The following CNGB1 variants were observed in gnomAD, a reference collection of about 807,000 sequenced individuals.
CNGB1 encodes cyclic nucleotide-gated channel beta-1.
Under a neutral mutation model 151.7 loss-of-function variants are expected in CNGB1, and 126 were observed. The observed-to-expected ratio is 0.83, with a 90% confidence interval of 0.72 to 0.96. CNGB1 has a LOEUF of 0.96. CNGB1 is among the 40% of genes least tolerant of loss of function. CNGB1 has a pLI of 0.00. For missense variants in CNGB1, 1,698 were observed against 1,627.0 expected (o/e 1.04, Z -0.75); for synonymous variants, 623 against 635.1 (o/e 0.98, Z 0.29).
chr16:57,934,984 T>G, intron 16 of CNGB1, among the ~76,000 whole-genome samples: 1 of 147,306 alleles, frequency 6.8e-6, no homozygotes. Flanking sequence ...CAGCAGTGGT[T>G]GCAGTGAGCC....
At chr16:57,893,703 A>C (rs1960154266) in intron 31 of CNGB1, among the ~76,000 whole-genome samples, 1 of 152,128 alleles carries the variant, frequency 6.6e-6, no homozygotes, top group Non-Finnish European at 1.5e-5. Flanking sequence ...GGGGTGGCTG[A>C]GGCAGGAGAA....
At chr16:57,937,161 T>A (rs1961534163) in intron 16 of CNGB1, 1 of 152,328 alleles carries the variant, frequency 6.6e-6, no homozygotes, top group Admixed American at 6.6e-5. Flanking sequence ...CTCCGGGAGG[T>A]GAGGACAGGG....
chr16:57,925,191 T>C (rs28720913), intron 17 of CNGB1, among the ~76,000 whole-genome samples: 27,984 of 151,322 alleles, frequency 0.18, 5,484 homozygotes, highest in African/African-American at 0.5. Flanking sequence ...TTAGTAGAGA[T>C]GGAGTTTCAC....
chr16:57,970,134 C>A (rs188742215), intron 1 of CNGB1, among the ~76,000 whole-genome samples: 244 of 152,342 alleles, frequency 1.6e-3, no homozygotes, highest in African/African-American at 5.6e-3. Flanking sequence ...AGTGTCAGAT[C>A]CCTGGCTCAG....
rs1024097250 is a variant in CNGB1, at chr16:57,883,906, G to A, written c.*258C>T. Reference sequence around the variant, plus strand: ...AAAGAGGAACAGTCAGGAAAAGGTAGGGCTCTCAAATGATAGTGAGAGCTC... The same window carrying A: ...AAAGAGGAACAGTCAGGAAAAGGTAAGGCTCTCAAATGATAGTGAGAGCTC... On this transcript the variant is annotated 3_prime_UTR_variant, in exon 33 of 33. Coordinates refer to ENST00000251102, the MANE Select transcript of CNGB1 (RefSeq NM_001297.5). 1.7e-6 allele frequency: 1 copy of A among 589,022 alleles called. No homozygotes were observed. Among genetic ancestry groups the A allele is most frequent in the African/African-American group, 1.9e-5 (1 of 53,524 alleles). 36.5% of individuals were successfully genotyped at this position (589,022 alleles called of 1,614,324 possible).
intron 21 of CNGB1, among the ~76,000 whole-genome samples, chr16:57,916,707 C>T (rs547875304): frequency 2.6e-4 from 40 of 152,266 alleles, no homozygotes; most frequent in African/African-American, 9.4e-4. Flanking sequence ...GTCAGGGCCT[C>T]AGTTTCCTCC....
intron 10 of CNGB1, among the ~76,000 whole-genome samples, chr16:57,959,545 T>C (rs1356081372): frequency 6.6e-6 from 1 of 152,096 alleles, no homozygotes; most frequent in African/African-American, 2.4e-5. Context: ...GAGGTTGCAG[T>C]GAGCAGAGAT....
chr16:57,935,291 GT>G (rs1454499091), intron 16 of CNGB1, among the ~76,000 whole-genome samples: 1 of 152,092 alleles, frequency 6.6e-6, no homozygotes, highest in Non-Finnish European at 1.5e-5. Flanking sequence ...AGCAATGCTG[GT>G]TTTCCATTTG....
chr16:57,901,479 G>C, intron 28 of CNGB1, 44 bp from the exon 29 acceptor site: 1 of 1,613,446 alleles, frequency 6.2e-7, no homozygotes, highest in South Asian at 1.1e-5. Context: ...GAGAAGATTG[G>C]GCTTGGAGCC....
At chr16:57,948,174 A>C (rs13338118) in intron 14 of CNGB1, among the ~76,000 whole-genome samples, 69,395 of 151,760 alleles carry the variant, frequency 0.46, 18,531 homozygotes, top group African/African-American at 0.76. Flanking sequence ...GTTCTCCCTG[A>C]CTCAATCTTT....
chr16:57,945,760 T>C (rs1042657824), intron 14 of CNGB1, among the ~76,000 whole-genome samples: 2 of 152,316 alleles, frequency 1.3e-5, no homozygotes, highest in Admixed American at 1.3e-4. Context: ...GAGAGAATAA[T>C]AGAATCTGCC....
intron 17 of CNGB1, among the ~76,000 whole-genome samples, chr16:57,925,565 C>G (rs983511490): frequency 6.6e-6 from 1 of 152,226 alleles, no homozygotes; most frequent in African/African-American, 2.4e-5. Flanking sequence ...GGGCTCTCCT[C>G]AGCCTTGGTG....
intron 12 of CNGB1, among the ~76,000 whole-genome samples, chr16:57,952,066 A>G (rs1341357414): frequency 6.6e-6 from 1 of 152,244 alleles, no homozygotes; most frequent in Non-Finnish European, 1.5e-5. Flanking sequence ...CTGTCCAGCA[A>G]TAGTGCCATG....
At chr16:57,925,860 G>A (rs1218667103) in intron 17 of CNGB1, among the ~76,000 whole-genome samples, 6 of 152,010 alleles carry the variant, frequency 3.9e-5, no homozygotes, top group Admixed American at 6.6e-5. Context: ...GCTAATTTTC[G>A]TATTTTTAGT....
chr16:57,919,594 C>G (rs1279726075), intron 19 of CNGB1, among the ~76,000 whole-genome samples: 1 of 152,142 alleles, frequency 6.6e-6, no homozygotes, highest in African/African-American at 2.4e-5. Flanking sequence ...CCTTTGTTCC[C>G]TCTGATGGGA....
chr16:57,933,462 C>G (rs575768010), intron 16 of CNGB1, among the ~76,000 whole-genome samples: 1 of 152,162 alleles, frequency 6.6e-6, no homozygotes, highest in African/African-American at 2.4e-5. Flanking sequence ...GGAGCCTGGA[C>G]GTGGCCCTAC....
intron 14 of CNGB1, among the ~76,000 whole-genome samples, chr16:57,943,949 G>A (rs764281120): frequency 6.6e-6 from 1 of 151,530 alleles, no homozygotes. Flanking sequence ...GTGCAATGAC[G>A]CGATCTCAGC....
At chr16:57,885,576 CTCTTTCTTTCTTTCTT>C (rs60188757) in intron 32 of CNGB1, among the ~76,000 whole-genome samples, 1,955 of 123,220 alleles carry the variant, frequency 0.016, 34 homozygotes, top group African/African-American at 0.025. Context: ...CTCTCTCTCT[CTCTTTCTTTCTTTCTT>C]TCTTTCTTTC....
chr16:57,912,166 T>C (rs552469955), intron 24 of CNGB1, among the ~76,000 whole-genome samples: 7 of 151,524 alleles, frequency 4.6e-5, no homozygotes, highest in Non-Finnish European at 7.4e-5. Context: ...AGGAGTTGAG[T>C]TGAAGATGGG....
Sources: gnomAD v4.1 joint callset for allele counts (sites outside exome capture counted in the v4.1 genomes callset) on GRCh38, gnomAD v4.1.1 for gene constraint, MANE v1.5 for transcripts, NCBI Gene and HGNC (gene_info 2026-07-23, HGNC 2026-07-21) for gene names.